Variants in TNN observed in about 807,000 individuals in gnomAD.
TNN encodes tenascin-N.
A neutral mutation model predicts 134.4 loss-of-function variants in TNN; 122 were observed. The observed-to-expected ratio is 0.91, with a 90% CI of 0.78 to 1.06. The LOEUF (loss-of-function observed/expected upper bound fraction) is 1.06, where lower values mean the gene tolerates loss of function less well. TNN is among the 50% of genes least tolerant of loss of function. The probability of loss-of-function intolerance (pLI) is 0.00; values close to 1 mark genes in which losing one functional copy is unlikely to be tolerated. For synonymous variants in TNN, 710 were observed against 670.3 expected, an observed-to-expected ratio of 1.06 and a Z score of -0.91; for missense variants, 1,739 against 1,699.4, an observed-to-expected ratio of 1.02 and a Z score of -0.41.
At chr1:175,141,224 G>A (rs1675938249) in intron 17 of TNN, among the ~76,000 whole-genome samples, 1 of 152,180 alleles carries the variant, frequency 6.6e-6, no homozygotes, top group Non-Finnish European at 1.5e-5. Context: ...GCTATCTTAT[G>A]AGCTCCACCA....
At chr1:175,098,187 C>T in intron 8 of TNN, 145 bp from the exon 9 acceptor site, 2 of 1,210,208 alleles carry the variant, frequency 1.7e-6, no homozygotes, top group East Asian at 2.3e-5. Flanking sequence ...CTACTTTCTC[C>T]TTAGACTCCC....
intron 1 of TNN, among the ~76,000 whole-genome samples, chr1:175,075,772 C>G (rs576470469): frequency 1.3e-5 from 2 of 152,310 alleles, no homozygotes; most frequent in Non-Finnish European, 2.9e-5. Context: ...ACGTTACAGA[C>G]AAGGAGGCGG....
At chr1:175,140,088 C>A (rs1322667450) in intron 17 of TNN, among the ~76,000 whole-genome samples, 1 of 152,226 alleles carries the variant, frequency 6.6e-6, no homozygotes, top group Non-Finnish European at 1.5e-5. Context: ...TATCCTCCCA[C>A]CCCATCTCTA....
rs1336370963 is a variant in TNN, at chr1:175,077,550, C to T, written c.132C>T (p.His44=). 2 of 1,614,214 alleles carry T rather than the reference C, an allele frequency of 1.2e-6. No individual in the cohort carries two copies. The highest frequency in any genetic ancestry group is 4.5e-5 in the East Asian group (2 of 44,876). The part of the protein sequence containing the change: ...SNKEQQVTVS[H]TYKIDVPKSA... Reference sequence around the variant, plus strand: ...AGGAGCAACAGGTCACTGTCAGCCACACCTACAAGATCGATGTGCCCAAGT... The same window carrying T: ...AGGAGCAACAGGTCACTGTCAGCCATACCTACAAGATCGATGTGCCCAAGT... The change falls in exon 2 of 19, where the codon CAC becomes CAT. Residue 44 remains histidine (H), a synonymous_variant. Transcript: ENST00000239462.
chr1:175,080,174 C>G lies in TNN; in HGVS notation c.796C>G (p.Gln266Glu). ...TGTTCTGCCTGCAGTGGTCACCCCA[C>G]AGGGCCTGCAGCTGCTCAAGAACAC... ...GLDCAQVVTP[Q>E]GLQLLKNTED... is the part of the protein sequence containing the mutation. The change falls in exon 4 of 19, where the codon CAG (glutamine) becomes GAG (glutamate). Residue 266 changes from glutamine to glutamate, a missense_variant. Gln to Glu is a conservative substitution (Grantham distance 29). Coordinates refer to ENST00000239462, the MANE Select transcript of TNN (RefSeq NM_022093.2). 1 of 1,613,902 alleles carries G rather than the reference C, an allele frequency of 6.2e-7. No individual in the cohort carries two copies. The highest frequency in any genetic ancestry group is 1.7e-4 in the Middle Eastern group (1 of 5,978).
intron 9 of TNN, among the ~76,000 whole-genome samples, chr1:175,100,130 G>C (rs1294642931): frequency 6.6e-6 from 1 of 152,142 alleles, no homozygotes; most frequent in African/African-American, 2.4e-5. Context: ...AGATATTTTA[G>C]CATATGTCAG....
intron 9 of TNN, among the ~76,000 whole-genome samples, chr1:175,100,062 C>T (rs1674680338): frequency 6.6e-6 from 1 of 152,178 alleles, no homozygotes; most frequent in Non-Finnish European, 1.5e-5. Context: ...AGCTCTTTTG[C>T]AATGCTACAG....
intron 17 of TNN, among the ~76,000 whole-genome samples, chr1:175,137,228 A>G (rs60729078): frequency 0.018 from 2,811 of 152,146 alleles, 74 homozygotes; most frequent in African/African-American, 0.064. Flanking sequence ...ACCCCAATAA[A>G]AACCCTCCCC....
chr1:175,079,148 C>T (rs1391252871), intron 2 of TNN, among the ~76,000 whole-genome samples, 185 bp from the exon 3 acceptor site: 1 of 152,146 alleles, frequency 6.6e-6, no homozygotes, highest in African/African-American at 2.4e-5. Context: ...TGGAAAGGGC[C>T]AACACCTTTT....
intron 6 of TNN, 54 bp from the exon 7 acceptor site, chr1:175,093,936 C>A: frequency 6.4e-7 from 1 of 1,552,022 alleles, no homozygotes; most frequent in African/African-American, 1.4e-5. Flanking sequence ...AATCTATGAT[C>A]TTGACTAACC....
chr1:175,111,426 G>A lies in TNN; in HGVS notation c.2120-5513G>A, dbSNP rs186267725. Among the ~76,000 whole-genome samples the A allele has an allele frequency of 1.3e-3, 191 of 145,996 alleles. 1 individual carries two copies. Among genetic ancestry groups the A allele is most frequent in the African/African-American group, 4.3e-3 (170 of 39,248 alleles). ...CACTTGAACCCAGGAGATGGAGGTC[G>A]CAGTGAGCTGAGATCATGCCACTGC... On this transcript the variant is annotated intron_variant, in intron 9 of 18. Transcript: ENST00000239462.
chr1:175,138,696 G>T (rs978548980), intron 17 of TNN, among the ~76,000 whole-genome samples: 2 of 152,216 alleles, frequency 1.3e-5, no homozygotes, highest in Non-Finnish European at 2.9e-5. Flanking sequence ...TCCACGGGCT[G>T]AAGACAGGCT....
At chr1:175,097,835 G>C in intron 8 of TNN, 152 bp downstream of exon 8, 1 of 1,126,738 alleles carries the variant, frequency 8.9e-7, no homozygotes, top group Non-Finnish European at 1.2e-6. Context: ...GATGGCGGTG[G>C]GCTGCTCTTT....
intron 3 of TNN, 109 bp downstream of exon 3, chr1:175,079,816 C>T: frequency 1.4e-6 from 2 of 1,392,842 alleles, no homozygotes; most frequent in African/African-American, 2.9e-5. Context: ...TAGCCTACGC[C>T]AGATTGCTGA....
Position 175,123,406 on chromosome 1 carries a change from A to G in TNN, c.2657A>G (p.Asp886Gly). 1 of 1,613,362 alleles carries G rather than the reference A, an allele frequency of 6.2e-7. No individual in the cohort carries two copies. The highest frequency in any genetic ancestry group is 2.2e-5 in the East Asian group (1 of 44,880). ...TCTAAATCTTTTTAAAAAGAAATTG[A>G]CGGCCCCAAAAACCTAGTGACTGAC... is the stretch of plus-strand genomic sequence containing the variant. ...KADTKAQTEI[D>G]GPKNLVTDWV... is the part of the protein sequence containing the mutation. The change falls in exon 12 of 19, where the codon GAC becomes GGC. Residue 886 changes from aspartate to glycine, a missense_variant. Physicochemically the swap from Asp to Gly is moderately conservative, Grantham distance 94 (BLOSUM62 -1). Coordinates refer to ENST00000239462, the MANE Select transcript of TNN (RefSeq NM_022093.2).
Position 175,095,673 on chromosome 1 carries a change from A to G in TNN, c.1588+1420A>G, listed in dbSNP as rs1240068097. Reference sequence around the variant, plus strand: ...ACTGCAACCTCCATCTCCCGGGTTCAAGCGATTCTCCTGCCTCAGCCTCCC... The same window carrying G: ...ACTGCAACCTCCATCTCCCGGGTTCGAGCGATTCTCCTGCCTCAGCCTCCC... On this transcript the variant is annotated intron_variant, in intron 7 of 18. Transcript: ENST00000239462. Among the ~76,000 whole-genome samples, 3 of 152,188 alleles carry G rather than the reference A, an allele frequency of 2.0e-5. No homozygotes were observed. In the East Asian group the frequency reaches 5.8e-4, roughly 29 times the overall value.
At chr1:175,078,146 T>C (rs1674097918) in intron 2 of TNN, among the ~76,000 whole-genome samples, 1 of 152,046 alleles carries the variant, frequency 6.6e-6, no homozygotes, top group Admixed American at 6.5e-5. Flanking sequence ...GAGGAAGCAA[T>C]GGGATACACA....
In TNN at chr1:175,135,890, T is replaced by C; in HGVS notation, c.3376T>C (p.Trp1126Arg). 6.2e-7 allele frequency: 1 copy of C among 1,613,930 alleles called. No individual in the cohort carries two copies. The change falls in exon 16 of 19, where the codon TGG (tryptophan) becomes CGG (arginine). Residue 1126 changes from tryptophan (W) to arginine (R), a missense_variant. Physicochemically the swap from Trp to Arg is moderately radical, Grantham distance 101. Transcript: ENST00000239462. The stretch of plus-strand genomic sequence containing the variant: ...TGGGCAGCTGGATTTCTTCAAGCGA[T>C]GGAGGAGCTATGTGGAAGGCTTTGG... ...NTGQLDFFKR[W>R]RSYVEGFGDP...
Position 175,123,337 on chromosome 1 carries a change from G to T in TNN, c.2651-63G>T, listed in dbSNP as rs189796934. 9.6e-5 allele frequency: 149 copies of T among 1,553,792 alleles called. No individual in the cohort carries two copies. The African/African-American group carries it at 1.8e-3, about 18-fold the overall frequency. ...ATGATGGAGAGCTCCTGGTGATGAG[G>T]TGGTAAGATGCGATGTCTTCCTTTG... On this transcript the variant is annotated intron_variant, in intron 11 of 18. Coordinates refer to ENST00000239462, the MANE Select transcript of TNN (RefSeq NM_022093.2).
Sources: gnomAD v4.1 joint callset for allele counts (sites outside exome capture counted in the v4.1 genomes callset) on GRCh38, gnomAD v4.1.1 for gene constraint, MANE v1.5 for transcripts, NCBI Gene and HGNC (gene_info 2026-07-23, HGNC 2026-07-21) for gene names.